The following CD160 variants were observed in gnomAD, a reference collection of about 807,000 sequenced individuals.
The protein encoded by CD160 is CD160 antigen.
In CD160, 11 loss-of-function variants were observed where a neutral mutation model predicts 19.2. The ratio of observed to expected loss-of-function variants is 0.57; its 90% CI spans 0.36 to 0.95. The LOEUF is 0.95. Ranked by LOEUF, CD160 falls within the 40% of genes least tolerant of loss-of-function variation. The pLI is 0.01. For missense variants in CD160, 182 were observed against 213.2 expected, an observed-to-expected ratio of 0.85 and a Z score of 0.91; for synonymous variants, 75 against 81.1, an observed-to-expected ratio of 0.93 and a Z score of 0.40.
intron 2 of CD160, among the ~76,000 whole-genome samples, chr1:145,727,169 TAGAG>T (rs1395803727): frequency 6.6e-6 from 1 of 152,106 alleles, no homozygotes; most frequent in Non-Finnish European, 1.5e-5. Flanking sequence ...CATACACACA[TAGAG>T]AGGATTTTTT....
intron 1 of CD160, among the ~76,000 whole-genome samples, chr1:145,722,788 G>T (rs1656904442): frequency 6.6e-6 from 1 of 151,958 alleles, no homozygotes; most frequent in Admixed American, 6.6e-5. Context: ...TAGAGATGGG[G>T]TTTCACCGTG....
chr1:145,732,537 A>T (rs11805953), intron 4 of CD160, among the ~76,000 whole-genome samples: 126,309 of 151,712 alleles, frequency 0.83, 52,801 homozygotes, highest in African/African-American at 0.89. Context: ...AAGGAAATTC[A>T]AGAATTAAAA....
intron 4 of CD160, among the ~76,000 whole-genome samples, chr1:145,732,377 A>C (rs1258525908): frequency 1.3e-5 from 2 of 152,196 alleles, no homozygotes; most frequent in Non-Finnish European, 2.9e-5. Flanking sequence ...TACAGGAAAC[A>C]AGGAGTCTAA....
chr1:145,721,205 T>C (rs1656830229), intron 1 of CD160, among the ~76,000 whole-genome samples: 1 of 151,960 alleles, frequency 6.6e-6, no homozygotes, highest in African/African-American at 2.4e-5. Flanking sequence ...CCCCCTCATC[T>C]CCCCTCCTAG....
intron 2 of CD160, among the ~76,000 whole-genome samples, chr1:145,726,075 A>G (rs1216606565): frequency 6.6e-6 from 1 of 152,184 alleles, no homozygotes; most frequent in Non-Finnish European, 1.5e-5. Flanking sequence ...AGATACAACG[A>G]GTGGAAACAA....
At chr1:145,724,104 AATTTG>A (rs1210652582) in intron 1 of CD160, among the ~76,000 whole-genome samples, 4 of 152,144 alleles carry the variant, frequency 2.6e-5, no homozygotes, top group East Asian at 1.9e-4. Flanking sequence ...CCCTTACCAA[AATTTG>A]ATTTATCTTT....
At chr1:145,734,815 T>C (rs1657417283) in intron 4 of CD160, among the ~76,000 whole-genome samples, 1 of 152,048 alleles carries the variant, frequency 6.6e-6, no homozygotes, top group African/African-American at 2.4e-5. Context: ...AGACAGGTAA[T>C]AAACAATGTC....
chr1:145,721,597 G>A (rs587690598), intron 1 of CD160, among the ~76,000 whole-genome samples: 2 of 152,112 alleles, frequency 1.3e-5, no homozygotes, highest in South Asian at 4.2e-4. Flanking sequence ...CCTTGGAAGC[G>A]GTCCCTACCC....
chr1:145,733,441 A>G (rs1464341761), intron 4 of CD160, among the ~76,000 whole-genome samples: 6 of 152,058 alleles, frequency 3.9e-5, no homozygotes, highest in African/African-American at 4.8e-5. Context: ...TGCCTGGCCT[A>G]TCTTACTTTT....
chr1:145,728,432 T>C (rs1553708684), intron 3 of CD160, 32 bp downstream of exon 3: 2 of 1,431,504 alleles, frequency 1.4e-6, no homozygotes, highest in South Asian at 2.3e-5. Flanking sequence ...GAGACGGCCA[T>C]GGGGAGGATC....
chr1:145,722,675 T>C (rs587620044), intron 1 of CD160, among the ~76,000 whole-genome samples: 1 of 152,336 alleles, frequency 6.6e-6, no homozygotes, highest in East Asian at 1.9e-4. Flanking sequence ...CACTGCAAGC[T>C]CCGCCTCTCG....
rs587712789 is a variant in CD160 at position 145,732,755 on chromosome 1, G to A, written c.400+1685G>A. On this transcript the variant is annotated intron_variant, in intron 4 of 5. Coordinates refer to ENST00000369288, the MANE Select transcript of CD160 (RefSeq NM_007053.4). Reference sequence around the variant, plus strand: ...CTAAATTTTACAAAAGAAACATAGCGCACAACTTGATTTTGCAAAAAATAA... The same window carrying A: ...CTAAATTTTACAAAAGAAACATAGCACACAACTTGATTTTGCAAAAAATAA... Among the ~76,000 whole-genome samples the A allele has an allele frequency of 1.2e-4, 19 of 152,118 alleles. No individual in the cohort carries two copies. The South Asian group carries it at 2.9e-3, about 23-fold the overall frequency.
At chr1:145,724,631 T>C (rs1656980647) in intron 1 of CD160, among the ~76,000 whole-genome samples, 170 bp from the exon 2 acceptor site, 1 of 152,240 alleles carries the variant, frequency 6.6e-6, no homozygotes, top group Non-Finnish European at 1.5e-5. Context: ...TGACTTTCTT[T>C]TTTATCCAGT....
chr1:145,719,745 T>C (rs1553707563), intron 1 of CD160, among the ~76,000 whole-genome samples, 186 bp downstream of exon 1: 1 of 152,202 alleles, frequency 6.6e-6, no homozygotes, highest in African/African-American at 2.4e-5. Context: ...TGCTCGCTTT[T>C]CTTCCATGGG....
chr1:145,738,581 A>G lies in CD160; in HGVS notation c.*88A>G. ...ATCTTTCTCATTACAATAGGCACAG[A>G]GAAGAATGCAACAGGGCACAGGGGA... On this transcript the variant is annotated 3_prime_UTR_variant, in exon 6 of 6. Coordinates refer to ENST00000369288, the MANE Select transcript of CD160 (RefSeq NM_007053.4). The G allele has an allele frequency of 2.4e-6, 2 of 821,114 alleles. No homozygotes were observed. The highest frequency in any genetic ancestry group is 3.5e-6 in the Non-Finnish European group (2 of 573,186). The allele number at this position is 821,114 out of a possible 1,614,324, so 50.9% of individuals were successfully genotyped here.
rs201963970 is a variant in CD160 at position 145,738,458 on chromosome 1, G to A, written c.539-28G>A. 447 of 1,315,980 alleles carry A rather than the reference G, an allele frequency of 3.4e-4. 1 individual carries two copies. In the Admixed American group the frequency reaches 9.3e-3, roughly 27 times the overall value. The allele number at this position is 1,315,980 out of a possible 1,614,324, so 81.5% of individuals were successfully genotyped here. A position where few individuals can be genotyped will look rare whatever the true frequency, so the allele number is the denominator to read the frequency against. On this transcript the variant is annotated intron_variant, in intron 5 of 5. Coordinates refer to ENST00000369288, the MANE Select transcript of CD160 (RefSeq NM_007053.4). The stretch of plus-strand genomic sequence containing the variant: ...ATTTTGTTGCTATTCTAAGTTATAA[G>A]GCAGTAATACAAACTTTCTTTCCAC...
intron 2 of CD160, among the ~76,000 whole-genome samples, chr1:145,726,996 A>T (rs1331324419): frequency 6.6e-6 from 1 of 152,210 alleles, no homozygotes; most frequent in African/African-American, 2.4e-5. Flanking sequence ...TCTTGATGGT[A>T]CACACAGTAG....
intron 4 of CD160, among the ~76,000 whole-genome samples, chr1:145,731,282 T>A (rs1176731121): frequency 6.6e-6 from 1 of 152,168 alleles, no homozygotes; most frequent in Admixed American, 6.5e-5. Flanking sequence ...TTACTTGGGG[T>A]GGCCATTGCA....
chr1:145,738,537 A>C lies in CD160; in HGVS notation c.*44A>C, dbSNP rs782641822. 1.4e-5 allele frequency: 18 copies of C among 1,275,552 alleles called. No individual in the cohort carries two copies. The highest frequency in any genetic ancestry group is 1.8e-5 in the Non-Finnish European group (18 of 985,438). The allele number at this position is 1,275,552 out of a possible 1,614,324, so 79.0% of individuals were successfully genotyped here. A position where few individuals can be genotyped will look rare whatever the true frequency, so the allele number is the denominator to read the frequency against. On this transcript the variant is annotated 3_prime_UTR_variant, in exon 6 of 6. Coordinates refer to ENST00000369288, the MANE Select transcript of CD160 (RefSeq NM_007053.4). Reference sequence around the variant, plus strand: ...CTTTTAAAACAGCTACAGCAAGATGAGTCTGACTATGGCTTAGTATCTTTC... The same window carrying C: ...CTTTTAAAACAGCTACAGCAAGATGCGTCTGACTATGGCTTAGTATCTTTC...
Sources: allele counts gnomAD v4.1 joint callset (sites outside exome capture counted in the v4.1 genomes callset), GRCh38; gene constraint gnomAD v4.1.1; transcripts MANE v1.5; gene names NCBI Gene and HGNC (gene_info 2026-07-23, HGNC 2026-07-21).